MVB12B: variants seen among roughly 807,000 people sequenced by gnomAD.
MVB12B encodes the protein multivesicular body subunit 12B.
Under a neutral mutation model 41.6 loss-of-function variants are expected in MVB12B, and 16 were observed. That is an observed-to-expected ratio of 0.38 (90% confidence interval 0.26 to 0.58). The LOEUF is 0.58. MVB12B is among the 20% of genes least tolerant of loss of function. The pLI is 0.62. For missense variants in MVB12B, 274 were observed against 380.2 expected (o/e 0.72, Z 2.32); for synonymous variants, 133 against 139.7 (o/e 0.95, Z 0.34).
At chr9:126,416,694 T>A (rs1831837016) in intron 6 of MVB12B, among the ~76,000 whole-genome samples, 1 of 152,170 alleles carries the variant, frequency 6.6e-6, no homozygotes, top group African/African-American at 2.4e-5. Context: ...AGCTTTCCCT[T>A]CATCAGCTTT....
chr9:126,427,486 C>T (rs935032504), intron 7 of MVB12B, among the ~76,000 whole-genome samples: 6 of 152,046 alleles, frequency 3.9e-5, no homozygotes, highest in Admixed American at 2.0e-4. Flanking sequence ...TTTTGTCTTA[C>T]GGCAGGTTTT....
chr9:126,499,945 TG>T (rs1833919114), intron 9 of MVB12B, among the ~76,000 whole-genome samples: 1 of 151,950 alleles, frequency 6.6e-6, no homozygotes, highest in South Asian at 2.1e-4. Flanking sequence ...TCCCCACTCC[TG>T]GCCACAGAGA....
intron 6 of MVB12B, among the ~76,000 whole-genome samples, chr9:126,413,847 T>TGC (rs1554776236): frequency 1.1e-4 from 15 of 139,170 alleles, no homozygotes; most frequent in African/African-American, 4.1e-4. Context: ...TGTGTGTGTG[T>TGC]GTGTGTATAA....
intron 7 of MVB12B, among the ~76,000 whole-genome samples, chr9:126,467,578 A>G (rs1564341916): frequency 6.6e-6 from 1 of 152,154 alleles, no homozygotes; most frequent in Admixed American, 6.5e-5. Context: ...TAACTCTGCC[A>G]TTTCTCCAGT....
At chr9:126,452,954 C>T (rs1832911905) in intron 7 of MVB12B, among the ~76,000 whole-genome samples, 2 of 152,070 alleles carry the variant, frequency 1.3e-5, no homozygotes, top group East Asian at 3.9e-4. Flanking sequence ...GGAATAGTGG[C>T]TGTAGGACAA....
intron 9 of MVB12B, among the ~76,000 whole-genome samples, chr9:126,487,436 A>C (rs1234052896): frequency 6.6e-6 from 1 of 152,170 alleles, no homozygotes; most frequent in Non-Finnish European, 1.5e-5. Flanking sequence ...GGTCAGCTGT[A>C]TTTCTTGGGT....
At chr9:126,493,622 A>C (rs1332685718) in intron 9 of MVB12B, among the ~76,000 whole-genome samples, 1 of 152,224 alleles carries the variant, frequency 6.6e-6, no homozygotes, top group East Asian at 1.9e-4. Flanking sequence ...GTTGAACAGA[A>C]TAGTAATCGG....
chr9:126,465,088 GA>G (rs2119181789), intron 7 of MVB12B, among the ~76,000 whole-genome samples: 1 of 152,312 alleles, frequency 6.6e-6, no homozygotes, highest in East Asian at 1.9e-4. Flanking sequence ...TTTTTGATAA[GA>G]CTTTATGAGT....
Position 126,473,119 on chromosome 9 carries a change from A to G in MVB12B, c.758-8250A>G, listed in dbSNP as rs1833350484. 1.3e-5 allele frequency among the ~76,000 whole-genome samples: 2 copies of G among 151,994 alleles called. No homozygotes were observed. ...TGCTTTATCTCTGTCGTCTTATTTC[A>G]TTTTTCTTCACCCTCACCACAGCCC... On this transcript the variant is annotated intron_variant, in intron 7 of 9. Coordinates refer to ENST00000361171, the MANE Select transcript of MVB12B (RefSeq NM_033446.3). The surrounding 1 kb of genome is among the most constrained non-coding windows in gnomAD (Gnocchi z 4.0).
intron 7 of MVB12B, among the ~76,000 whole-genome samples, chr9:126,451,648 C>T (rs905906507): frequency 2.0e-5 from 3 of 152,088 alleles, no homozygotes; most frequent in African/African-American, 7.2e-5. Context: ...AGGGATGAGG[C>T]ACTGCAGGAA....
intron 1 of MVB12B, 141 bp downstream of exon 1, chr9:126,327,151 C>T: frequency 1.5e-6 from 1 of 674,044 alleles, no homozygotes; most frequent in Non-Finnish European, 1.8e-6. Flanking sequence ...GGGCTCCGTG[C>T]CCGGCCCGCG....
intron 2 of MVB12B, among the ~76,000 whole-genome samples, chr9:126,347,359 C>T (rs895388721): frequency 6.6e-6 from 1 of 152,234 alleles, no homozygotes; most frequent in African/African-American, 2.4e-5. Context: ...GCTGCTCCTG[C>T]CTCCCCCCAT....
intron 2 of MVB12B, among the ~76,000 whole-genome samples, chr9:126,352,691 AT>A (rs1212093948): frequency 2.6e-5 from 4 of 152,142 alleles, no homozygotes; most frequent in Non-Finnish European, 4.4e-5. Context: ...GTTTGGTATA[AT>A]TTCCAGTTTT....
In MVB12B at chr9:126,386,530, A is replaced by T; in HGVS notation, c.313-32A>T. The T allele has an allele frequency of 6.5e-7, 1 of 1,544,174 alleles. No homozygotes were observed. Among genetic ancestry groups the T allele is most frequent in the Non-Finnish European group, 9.0e-7 (1 of 1,116,850 alleles). ...AACCCACCACATGCATGTTCAGATT[A>T]ATAGTCTGTATCTCTTTTCTTTCTT... On this transcript the variant is annotated intron_variant, in intron 3 of 9. Transcript: ENST00000361171. This position sits in a 1 kb window ranked among gnomAD's most constrained non-coding sequence, Gnocchi z 4.3.
intron 2 of MVB12B, among the ~76,000 whole-genome samples, chr9:126,344,126 TTATC>T (rs950469638): frequency 1.3e-5 from 2 of 152,030 alleles, no homozygotes; most frequent in African/African-American, 2.4e-5. Context: ...TTTAAATTGT[TTATC>T]TATCCACCCC....
At chr9:126,441,572 C>T (rs566409825) in intron 7 of MVB12B, among the ~76,000 whole-genome samples, 78 of 152,220 alleles carry the variant, frequency 5.1e-4, no homozygotes, top group African/African-American at 1.7e-3. Flanking sequence ...GTTTCTTAAC[C>T]GATAAGAAGC....
intron 2 of MVB12B, among the ~76,000 whole-genome samples, chr9:126,360,796 G>A (rs1325254320): frequency 3.3e-5 from 5 of 152,102 alleles, no homozygotes; most frequent in East Asian, 1.9e-4. Flanking sequence ...ATATGTCCTC[G>A]TGATTAATTG....
chr9:126,419,197 G>A (rs1295936908), intron 6 of MVB12B, among the ~76,000 whole-genome samples: 1 of 152,172 alleles, frequency 6.6e-6, no homozygotes, highest in African/African-American at 2.4e-5. Flanking sequence ...TAGTTAGGTT[G>A]CGTGCACCTT....
intron 7 of MVB12B, among the ~76,000 whole-genome samples, chr9:126,452,794 A>AG (rs1350387687): frequency 6.6e-6 from 1 of 152,054 alleles, no homozygotes; most frequent in Admixed American, 6.6e-5. Flanking sequence ...CAGGGAAGGA[A>AG]GGGAAGTTCA....
Sources: gnomAD v4.1 joint callset for allele counts (sites outside exome capture counted in the v4.1 genomes callset) on GRCh38, gnomAD v4.1.1 for gene constraint, Gnocchi (gnomAD v3.1) non-coding constraint, MANE v1.5 for transcripts, NCBI Gene and HGNC (gene_info 2026-07-23, HGNC 2026-07-21) for gene names.